The following PLEKHA5 variants were observed in gnomAD, a reference collection of about 807,000 sequenced individuals.
PLEKHA5 encodes pleckstrin homology domain containing A5, also known as pleckstrin homology domain-containing family A member 5.
PLEKHA5 carries 55 observed loss-of-function variants against 181.9 expected under a neutral mutation model. The ratio of observed to expected loss-of-function variants is 0.30; its 90% CI spans 0.24 to 0.38. PLEKHA5 has a LOEUF of 0.38. Ranked by LOEUF, PLEKHA5 falls within the 10% of genes least tolerant of loss-of-function variation. The pLI, the probability that PLEKHA5 is intolerant of heterozygous loss-of-function variation, is 1.00. For missense variants in PLEKHA5, 1,432 were observed against 1,549.5 expected (o/e 0.92, Z 1.27); for synonymous variants, 535 against 529.4 (o/e 1.01, Z -0.15).
intron 3 of PLEKHA5, among the ~76,000 whole-genome samples, chr12:19,249,143 G>T (rs2064557865): frequency 6.6e-6 from 1 of 152,104 alleles, no homozygotes; most frequent in African/African-American, 2.4e-5. Context: ...GGCCAGACTG[G>T]GCAACCCAGC....
At chr12:19,284,095 G>T (rs1233750057) in intron 12 of PLEKHA5, among the ~76,000 whole-genome samples, 1 of 152,050 alleles carries the variant, frequency 6.6e-6, no homozygotes, top group Non-Finnish European at 1.5e-5. Context: ...TTGAGATGGA[G>T]TCTCTCTCTG....
intron 14 of PLEKHA5, 27 bp downstream of exon 14, chr12:19,290,823 T>G (rs1477779521): frequency 6.6e-7 from 1 of 1,509,132 alleles, no homozygotes; most frequent in Admixed American, 2.1e-5. Flanking sequence ...TTTGTCTGTG[T>G]CGTCTGCCAT....
chr12:19,346,955 C>T (rs2094363628), intron 23 of PLEKHA5, 39 bp from the exon 24 acceptor site: 1 of 1,321,856 alleles, frequency 7.6e-7, no homozygotes, highest in Non-Finnish European at 1.0e-6. Context: ...TTAATTCAAT[C>T]TGCTTATCTA....
intron 3 of PLEKHA5, among the ~76,000 whole-genome samples, chr12:19,202,566 A>G (rs1341609134): frequency 6.7e-6 from 1 of 149,124 alleles, no homozygotes; most frequent in Admixed American, 6.8e-5. Context: ...TGGTTCTGCT[A>G]TAACCCAATG....
At position 19,274,755 on chromosome 12, in the gene PLEKHA5, G is replaced by A; in HGVS notation, c.1085G>A (p.Gly362Glu). 1.2e-6 allele frequency: 2 copies of A among 1,614,090 alleles called. No individual in the cohort carries two copies. The highest frequency in any genetic ancestry group is 1.7e-6 in the Non-Finnish European group (2 of 1,179,990). ...LNSLPSEYES[G>E]SACPAQTVHY... ...TCTCTGCCATCTGAATATGAGAGTG[G>A]GTCAGCATGCCCTGCTCAGACTGTG... is the stretch of plus-strand genomic sequence containing the variant. The change falls in exon 11 of 32, where the codon GGG becomes GAG. Residue 362 changes from glycine to glutamate, a missense_variant. By Grantham distance (98) the Gly-to-Glu change is moderately conservative. Transcript: ENST00000429027.
chr12:19,136,450 A>G (rs559244864), intron 3 of PLEKHA5, among the ~76,000 whole-genome samples: 2 of 152,352 alleles, frequency 1.3e-5, no homozygotes, highest in Admixed American at 1.3e-4. Flanking sequence ...GAGAACGCAA[A>G]TAACTTAGCC....
intron 25 of PLEKHA5, among the ~76,000 whole-genome samples, chr12:19,348,883 A>G (rs1251649045): frequency 2.0e-5 from 3 of 152,046 alleles, no homozygotes; most frequent in Non-Finnish European, 4.4e-5. Context: ...AATCACTGGA[A>G]CCCAGGAGGT....
At chr12:19,302,258 T>C (rs1265774068) in intron 15 of PLEKHA5, among the ~76,000 whole-genome samples, 1 of 152,178 alleles carries the variant, frequency 6.6e-6, no homozygotes, top group Non-Finnish European at 1.5e-5. Flanking sequence ...TAGTTAACAG[T>C]GAAGGACAGA....
At chr12:19,242,242 T>TG (rs570301066) in intron 3 of PLEKHA5, among the ~76,000 whole-genome samples, 7 of 75,158 alleles carry the variant, frequency 9.3e-5, no homozygotes, top group South Asian at 6.2e-4. Flanking sequence ...TGTTTTTTTT[T>TG]GTTTTTTTTG....
chr12:19,348,627 C>CATATATGAGTTGG, intron 25 of PLEKHA5, 108 bp downstream of exon 25: 1 of 725,678 alleles, frequency 1.4e-6, no homozygotes. Context: ...ATGAGTCCAA[C>CATATATGAGTTGG]CCTTTATCTG....
At chr12:19,285,761 A>C (rs1411818488) in intron 12 of PLEKHA5, among the ~76,000 whole-genome samples, 3 of 152,298 alleles carry the variant, frequency 2.0e-5, no homozygotes, top group African/African-American at 7.2e-5. Flanking sequence ...ACAGTAGAAA[A>C]TAATTTTATT....
intron 20 of PLEKHA5, among the ~76,000 whole-genome samples, chr12:19,326,367 C>A (rs962510491): frequency 6.6e-6 from 1 of 152,250 alleles, no homozygotes; most frequent in Non-Finnish European, 1.5e-5. Flanking sequence ...CTGGCAGAAT[C>A]TCAAAGGATT....
At chr12:19,355,418 C>G (rs998626932) in intron 26 of PLEKHA5, among the ~76,000 whole-genome samples, 1 of 133,956 alleles carries the variant, frequency 7.5e-6, no homozygotes, top group South Asian at 2.6e-4. Flanking sequence ...GTGGCATGAT[C>G]ATAGCTCACT....
chr12:19,131,138 G>T (rs1463418478), intron 2 of PLEKHA5, among the ~76,000 whole-genome samples: 7 of 152,208 alleles, frequency 4.6e-5, no homozygotes, highest in East Asian at 1.9e-4. Flanking sequence ...TAGTCCTGGT[G>T]ATTGGAAAGG....
intron 3 of PLEKHA5, among the ~76,000 whole-genome samples, chr12:19,226,723 C>T (rs938022899): frequency 4.6e-5 from 7 of 152,254 alleles, no homozygotes; most frequent in African/African-American, 9.6e-5. Flanking sequence ...TTTGGATAGT[C>T]GTAATTTTTT....
chr12:19,248,058 G>A (rs1313892477), intron 3 of PLEKHA5, among the ~76,000 whole-genome samples: 2 of 151,974 alleles, frequency 1.3e-5, no homozygotes, highest in Non-Finnish European at 2.9e-5. Flanking sequence ...AGCCTCCTAA[G>A]TAGCTATTTT....
At chr12:19,197,484 T>A (rs895995243) in intron 3 of PLEKHA5, among the ~76,000 whole-genome samples, 1 of 152,136 alleles carries the variant, frequency 6.6e-6, no homozygotes, top group African/African-American at 2.4e-5. Flanking sequence ...GTAACCACAC[T>A]CCTGAGCCAC....
intron 15 of PLEKHA5, among the ~76,000 whole-genome samples, chr12:19,308,895 A>ACGCGCGTGCGCGCGCG (rs371125200): frequency 2.0e-5 from 3 of 151,412 alleles, no homozygotes; most frequent in South Asian, 2.1e-4. Context: ...TAAAACACAA[A>ACGCGCGTGCGCGCGCG]CGCACACACA....
At chr12:19,308,815 A>AG (rs1205954179) in intron 15 of PLEKHA5, among the ~76,000 whole-genome samples, 1 of 151,968 alleles carries the variant, frequency 6.6e-6, no homozygotes, top group African/African-American at 2.4e-5. Flanking sequence ...GGGAGGCCGA[A>AG]GGGGGGCAGA....
Sources: allele counts gnomAD v4.1 joint callset (sites outside exome capture counted in the v4.1 genomes callset), GRCh38; gene constraint gnomAD v4.1.1; transcripts MANE v1.5; gene names NCBI Gene and HGNC (gene_info 2026-07-23, HGNC 2026-07-21).